The following EARS2 variants were observed in gnomAD, a reference collection of about 807,000 sequenced individuals.
The protein encoded by EARS2 is glutamyl-tRNA synthetase 2, mitochondrial.
A neutral mutation model predicts 54.1 loss-of-function variants in EARS2; 50 were observed. The observed-to-expected ratio is 0.92, with a 90% CI of 0.74 to 1.17. The LOEUF (loss-of-function observed/expected upper bound fraction) is 1.17. Among genes scored for constraint, EARS2 ranks in the 50% most tolerant of loss-of-function variants. The probability of loss-of-function intolerance (pLI) is 0.00; values close to 1 mark genes in which losing one functional copy is unlikely to be tolerated. For missense variants in EARS2, 673 were observed against 675.0 expected (o/e 1.00, Z 0.03); for synonymous variants, 298 against 281.0 (o/e 1.06, Z -0.61).
chr16:23,556,915 G>C (rs556200889), intron 1 of EARS2: 1 of 641,062 alleles, frequency 1.6e-6, no homozygotes, highest in East Asian at 3.2e-5. Flanking sequence ...CTGTATCCCA[G>C]CGTCTACAAC....
intron 7 of EARS2, among the ~76,000 whole-genome samples, chr16:23,527,193 TG>T (rs1202789157): frequency 6.6e-6 from 1 of 151,968 alleles, no homozygotes; most frequent in Non-Finnish European, 1.5e-5. Flanking sequence ...CTCAAACTCC[TG>T]GCTTCAAGTG....
intron 7 of EARS2, among the ~76,000 whole-genome samples, chr16:23,527,937 AG>A (rs1233529884): frequency 6.6e-6 from 1 of 152,158 alleles, no homozygotes; most frequent in African/African-American, 2.4e-5. Context: ...TTAACCCCCA[AG>A]GGGACAGTAT....
chr16:23,542,008 G>A (rs1339176932), intron 3 of EARS2, among the ~76,000 whole-genome samples: 2 of 151,862 alleles, frequency 1.3e-5, no homozygotes, highest in Non-Finnish European at 2.9e-5. Context: ...ATAGGCACCC[G>A]CCATCATGCC....
intron 1 of EARS2, among the ~76,000 whole-genome samples, chr16:23,556,090 G>A (rs1353895766): frequency 2.0e-5 from 3 of 152,174 alleles, no homozygotes; most frequent in Non-Finnish European, 4.4e-5. Context: ...CACTGCTCTA[G>A]GCTATACTGC....
chr16:23,534,142 G>A (rs1279772767), intron 4 of EARS2, among the ~76,000 whole-genome samples: 4 of 152,124 alleles, frequency 2.6e-5, no homozygotes, highest in African/African-American at 9.7e-5. Context: ...CAGGCATCGT[G>A]ATCAGGCATA....
At chr16:23,531,855 G>A (rs149026428) in intron 5 of EARS2, among the ~76,000 whole-genome samples, 3 of 152,208 alleles carry the variant, frequency 2.0e-5, no homozygotes, top group Admixed American at 6.5e-5. Context: ...TCACTTTGTT[G>A]CCCAGGTTGG....
At chr16:23,530,110 G>A (rs571948791) in intron 5 of EARS2, among the ~76,000 whole-genome samples, 8 of 152,180 alleles carry the variant, frequency 5.3e-5, no homozygotes, top group South Asian at 2.1e-4. Flanking sequence ...ACTCGGAGAC[G>A]TGCTTTCTTT....
In EARS2 at chr16:23,532,781, GC is replaced by G; in HGVS notation, c.959-17del. ...ATTTGGTTCTCTGCAAAGAAGAGAG[GC>G]CCAGCCACTCAGCTTCCTCTCTCCC... On this transcript the variant is annotated splice_polypyrimidine_tract_variant and intron_variant, in intron 4 of 8. Transcript: ENST00000449606. The G allele has an allele frequency of 6.3e-7, 1 of 1,579,030 alleles. No individual in the cohort carries two copies. The highest frequency in any genetic ancestry group is 8.7e-7 in the Non-Finnish European group (1 of 1,150,940).
At chr16:23,547,315 A>G (rs1246632881) in intron 2 of EARS2, among the ~76,000 whole-genome samples, 3 of 152,160 alleles carry the variant, frequency 2.0e-5, no homozygotes, top group African/African-American at 7.2e-5. Flanking sequence ...TGGAGGCAGA[A>G]AGAGATCAGT....
rs755468685 is a variant in EARS2 at position 23,557,227 on chromosome 16, C to T, written c.117G>A (p.Val39=). Residue 39 remains valine (V), a synonymous_variant, in exon 1 of 9, where the codon GTG becomes GTA. Coordinates refer to ENST00000449606, the MANE Select transcript of EARS2 (RefSeq NM_001083614.2). ...TACCTGTGGGGCTGGGAGCGAACCG[C>T]ACTCGCACCGCAACCCCGGCATCAG... ...LGTDAGVAVR[V]RFAPSPTGFL... The T allele has an allele frequency of 6.6e-7, 1 of 1,518,056 alleles. No individual in the cohort carries two copies. Among genetic ancestry groups the T allele is most frequent in the Non-Finnish European group, 8.8e-7 (1 of 1,141,790 alleles). 94.0% of individuals were successfully genotyped at this position (1,518,056 alleles called of 1,614,324 possible).
chr16:23,522,700 C>G lies in EARS2; in HGVS notation c.*1671G>C, dbSNP rs181339790. Reference sequence around the variant, plus strand: ...ATAAATATATTGTCTACTGCTGAAACGCAAATTATCCCCAAACCAAGTAGC... The same window carrying G: ...ATAAATATATTGTCTACTGCTGAAAGGCAAATTATCCCCAAACCAAGTAGC... On this transcript the variant is annotated 3_prime_UTR_variant, in exon 9 of 9. Coordinates refer to ENST00000449606, the MANE Select transcript of EARS2 (RefSeq NM_001083614.2). 3 of 152,190 alleles carry G rather than the reference C, an allele frequency of 2.0e-5. No individual in the cohort carries two copies. The highest frequency in any genetic ancestry group is 4.8e-5 in the African/African-American group (2 of 41,440). The allele number at this position is 152,190 out of a possible 1,614,324, so 9.4% of individuals were successfully genotyped here. A position where few individuals can be genotyped will look rare whatever the true frequency, so the allele number is the denominator to read the frequency against.
At chr16:23,526,876 C>T (rs1965237541) in intron 7 of EARS2, among the ~76,000 whole-genome samples, 1 of 152,164 alleles carries the variant, frequency 6.6e-6, no homozygotes, top group African/African-American at 2.4e-5. Flanking sequence ...TGCCTCGGCC[C>T]TGATTGAGTT....
At chr16:23,553,071 C>T (rs1015632041) in intron 1 of EARS2, 16 of 398,952 alleles carry the variant, frequency 4.0e-5, no homozygotes, top group African/African-American at 1.9e-4. Context: ...GAGGCTGCAG[C>T]GAGCCATGAT....
chr16:23,535,101 C>CA lies in EARS2; in HGVS notation c.744dup (p.Glu249Ter), dbSNP rs774951407. The CA allele has an allele frequency of 1.2e-6, 2 of 1,609,450 alleles. No homozygotes were observed. Among genetic ancestry groups the CA allele is most frequent in the Admixed American group, 3.4e-5 (2 of 59,262 alleles). On this transcript the variant is annotated frameshift_variant, in exon 4 of 9. Coordinates refer to ENST00000449606, the MANE Select transcript of EARS2 (RefSeq NM_001083614.2). LOFTEE classifies it high-confidence loss of function. Reference sequence around the variant, plus strand: ...TGCTTGGCAGTGGAGACGAGCCACTCAGAGCCTCGCAGCACGTGGCTGATG... The same window carrying CA: ...TGCTTGGCAGTGGAGACGAGCCACTCAAGAGCCTCGCAGCACGTGGCTGATG...
Position 23,557,300 on chromosome 16 carries a change from G to C in EARS2, c.44C>G (p.Ser15Trp). The C allele has an allele frequency of 6.6e-7, 1 of 1,518,282 alleles. No individual in the cohort carries two copies. The highest frequency in any genetic ancestry group is 8.7e-7 in the Non-Finnish European group (1 of 1,144,230). 94.1% of individuals were successfully genotyped at this position (1,518,282 alleles called of 1,614,324 possible). A position where few individuals can be genotyped will look rare whatever the true frequency, so the allele number is the denominator to read the frequency against. Residue 15 changes from serine to tryptophan, a missense_variant, in exon 1 of 9, where the codon TCG (serine) becomes TGG (tryptophan). By Grantham distance (177) the Ser-to-Trp change is radical (BLOSUM62 -3). Around this residue, in one of 3 missense-constraint regions of EARS2, gnomAD observed 316 missense variants for 275.2 expected, o/e 1.15. Coordinates refer to ENST00000449606, the MANE Select transcript of EARS2 (RefSeq NM_001083614.2). ...TCCTACGGGGCGGCCAGAGGCCGCC[G>C]AAGGCCTCTCGCGCTGCAGCAGTCT... ...LRRLLQRERP[S>W]AASGRPVGRR...
In EARS2 at chr16:23,529,880, A is replaced by G. The variant is rs1185818302; in HGVS notation, c.1085T>C (p.Leu362Pro). The G allele has an allele frequency of 6.2e-7, 1 of 1,614,080 alleles. No homozygotes were observed. Among genetic ancestry groups the G allele is most frequent in the South Asian group, 1.1e-5 (1 of 91,078 alleles). Reference sequence around the variant, plus strand: ...GCGCCTCTGGCTCTCATTGCTCACCAGCCGCTGGAGGTGCAGTCTGCGGAA... The same window carrying G: ...GCGCCTCTGGCTCTCATTGCTCACCGGCCGCTGGAGGTGCAGTCTGCGGAA... ...PEFNRLHLQR[L>P]VSNESQRRQL... is the part of the protein sequence containing the mutation. Residue 362 changes from leucine (L) to proline (P), a missense_variant, in exon 6 of 9, where the codon CTG becomes CCG. By Grantham distance (98) the Leu-to-Pro change is moderately conservative. Transcript: ENST00000449606.
chr16:23,541,507 A>G (rs1049452272), intron 3 of EARS2, among the ~76,000 whole-genome samples: 5 of 152,228 alleles, frequency 3.3e-5, no homozygotes, highest in African/African-American at 1.2e-4. Flanking sequence ...CATAGCATGT[A>G]CATAGTACAT....
At chr16:23,532,568 T>C in intron 5 of EARS2, 89 bp downstream of exon 5, 1 of 851,406 alleles carries the variant, frequency 1.2e-6, no homozygotes, top group Non-Finnish European at 1.9e-6. Flanking sequence ...CAGAATTAGG[T>C]ACCAGAGCCC....
intron 2 of EARS2, among the ~76,000 whole-genome samples, chr16:23,545,846 C>A (rs908540761): frequency 6.6e-6 from 1 of 152,010 alleles, no homozygotes; most frequent in Non-Finnish European, 1.5e-5. Flanking sequence ...TAGTAGAGAG[C>A]GAGTCTTGCT....
Sources: gnomAD v4.1 joint callset for allele counts (sites outside exome capture counted in the v4.1 genomes callset) on GRCh38, gnomAD v4.1.1 for gene constraint, gnomAD v4.1.1 regional missense constraint, MANE v1.5 for transcripts, NCBI Gene and HGNC (gene_info 2026-07-23, HGNC 2026-07-21) for gene names.